Variants in ARID1B observed in about 807,000 individuals in gnomAD.
ARID1B encodes the protein AT-rich interaction domain 1B, also known as AT-rich interactive domain-containing protein 1B.
A neutral mutation model predicts 212.3 loss-of-function variants in ARID1B; 30 were observed. The ratio of observed to expected loss-of-function variants is 0.14; its 90% confidence interval spans 0.11 to 0.19. ARID1B has a LOEUF of 0.19. Among genes scored for constraint, ARID1B ranks in the 10% least tolerant of loss-of-function variants. ARID1B has a pLI of 1.00. For missense variants in ARID1B, 2,891 were observed against 3,204.0 expected, an observed-to-expected ratio of 0.90 and a Z score of 2.36; for synonymous variants, 1,402 against 1,301.7, an observed-to-expected ratio of 1.08 and a Z score of -1.66.
intron 5 of ARID1B, among the ~76,000 whole-genome samples, chr6:157,098,653 T>C (rs1295783632): frequency 2.0e-5 from 3 of 152,250 alleles, no homozygotes; most frequent in South Asian, 2.1e-4. Flanking sequence ...TTACTATTCA[T>C]GTCTTCACAT....
chr6:157,063,057 C>G (rs1368258485), intron 4 of ARID1B, among the ~76,000 whole-genome samples: 1 of 151,866 alleles, frequency 6.6e-6, no homozygotes, highest in Non-Finnish European at 1.5e-5. Context: ...ATGGATGGGT[C>G]CTACTGACCA....
intron 3 of ARID1B, among the ~76,000 whole-genome samples, chr6:156,905,072 A>C (rs766583065): frequency 6.6e-6 from 1 of 151,930 alleles, no homozygotes; most frequent in Non-Finnish European, 1.5e-5. Flanking sequence ...CTGAACTATA[A>C]ATTTATATAT....
At chr6:156,801,623 G>A (rs1020050592) in intron 1 of ARID1B, among the ~76,000 whole-genome samples, 4 of 152,116 alleles carry the variant, frequency 2.6e-5, no homozygotes, top group Non-Finnish European at 5.9e-5. Context: ...TCTGCTTGAA[G>A]CATCTATCCA....
chr6:156,945,225 G>A (rs1364036129), intron 4 of ARID1B, among the ~76,000 whole-genome samples: 9 of 104,234 alleles, frequency 8.6e-5, no homozygotes, highest in East Asian at 3.0e-4. Flanking sequence ...GTGAGCCCCC[G>A]CATCCGGCTT....
In ARID1B at chr6:156,873,494, G is replaced by A. The variant is rs551227493; in HGVS notation, c.1987-27882G>A. 2.0e-5 allele frequency among the ~76,000 whole-genome samples: 3 copies of A among 152,286 alleles called. No homozygotes were observed. In the South Asian group the frequency reaches 6.2e-4, roughly 32 times the overall value. On this transcript the variant is annotated intron_variant, in intron 2 of 19. Coordinates refer to ENST00000636930, the MANE Select transcript of ARID1B (RefSeq NM_001374828.1). The stretch of plus-strand genomic sequence containing the variant: ...TTGTAAAAATTAGTGGTCAATTTTT[G>A]AAGGAGAGAACTGGTGATTTACAGG...
At chr6:156,863,311 C>T (rs1419093656) in intron 2 of ARID1B, among the ~76,000 whole-genome samples, 5 of 151,962 alleles carry the variant, frequency 3.3e-5, no homozygotes, top group Admixed American at 3.3e-4. Context: ...AGAGGACTAA[C>T]GAGGCAGGAC....
intron 4 of ARID1B, among the ~76,000 whole-genome samples, chr6:157,081,043 C>T (rs1328492550): frequency 2.0e-5 from 3 of 152,146 alleles, no homozygotes; most frequent in African/African-American, 7.2e-5. Flanking sequence ...GCTTGAGAGC[C>T]CATGAAGTCA....
At chr6:157,119,790 T>C (rs1175983257) in intron 6 of ARID1B, 1 of 152,252 alleles carries the variant, frequency 6.6e-6, no homozygotes, top group Non-Finnish European at 1.5e-5. Flanking sequence ...TGTTCCAGAC[T>C]CCAGAACTCT....
chr6:157,173,229 T>C (rs964644624), intron 9 of ARID1B: 3 of 152,250 alleles, frequency 2.0e-5, no homozygotes, highest in African/African-American at 4.8e-5. Context: ...GAGAAATCAG[T>C]TGTTCTATGG....
At position 156,902,878 on chromosome 6, in the gene ARID1B, G is replaced by A. The variant is rs1409642660; in HGVS notation, c.2136+1353G>A. On this transcript the variant is annotated intron_variant, in intron 3 of 19. Coordinates refer to ENST00000636930, the MANE Select transcript of ARID1B (RefSeq NM_001374828.1). ...AACACTTTAATATAATTTCTTTTTA[G>A]ATGAGCAAGGCTGGTATCTGGAGTT... is the stretch of plus-strand genomic sequence containing the variant. Among the ~76,000 whole-genome samples, 7 of 151,474 alleles carry A rather than the reference G, an allele frequency of 4.6e-5. No individual in the cohort carries two copies. The East Asian group carries it at 1.4e-3, about 30-fold the overall frequency.
At chr6:157,156,169 A>G (rs1051556122) in intron 8 of ARID1B, among the ~76,000 whole-genome samples, 1 of 152,358 alleles carries the variant, frequency 6.6e-6, no homozygotes, top group Admixed American at 6.5e-5. Context: ...GCTAAAGAGC[A>G]GGAAGTGATT....
chr6:157,034,433 A>T (rs905805311), intron 4 of ARID1B, among the ~76,000 whole-genome samples: 2 of 152,198 alleles, frequency 1.3e-5, no homozygotes, highest in African/African-American at 4.8e-5. Context: ...TTTCAGTTGT[A>T]TATTCTTGTT....
chr6:157,157,518 G>T (rs1330689035), intron 8 of ARID1B, among the ~76,000 whole-genome samples: 2 of 152,138 alleles, frequency 1.3e-5, no homozygotes, highest in African/African-American at 4.8e-5. Context: ...CAGTGTTTTG[G>T]GCTGAAGGCA....
chr6:157,015,922 A>C (rs1422401184), intron 4 of ARID1B, among the ~76,000 whole-genome samples: 1 of 152,238 alleles, frequency 6.6e-6, no homozygotes, highest in Non-Finnish European at 1.5e-5. Flanking sequence ...TGCCTTCAAG[A>C]CAGCAAAAAT....
chr6:156,916,416 A>G (rs1404266791), intron 3 of ARID1B, among the ~76,000 whole-genome samples: 2 of 152,090 alleles, frequency 1.3e-5, no homozygotes, highest in African/African-American at 4.8e-5. Flanking sequence ...TATTTACCCA[A>G]CACTCGTCAT....
chr6:156,870,837 A>T (rs969367367), intron 2 of ARID1B, among the ~76,000 whole-genome samples: 4 of 152,124 alleles, frequency 2.6e-5, no homozygotes, highest in African/African-American at 9.7e-5. Flanking sequence ...TGGACTCTAG[A>T]CTCAGAACTA....
At chr6:157,100,081 G>A (rs1002866993) in intron 5 of ARID1B, among the ~76,000 whole-genome samples, 1 of 152,158 alleles carries the variant, frequency 6.6e-6, no homozygotes, top group African/African-American at 2.4e-5. Flanking sequence ...TCAAAGCAGG[G>A]GCTTAACTCC....
chr6:156,856,555 G>A (rs1784943726), intron 2 of ARID1B, among the ~76,000 whole-genome samples: 1 of 152,102 alleles, frequency 6.6e-6, no homozygotes, highest in Non-Finnish European at 1.5e-5. Flanking sequence ...ACTGCTCCAT[G>A]CTGCCTCCCT....
intron 4 of ARID1B, among the ~76,000 whole-genome samples, chr6:156,982,708 T>C (rs1211072756): frequency 6.6e-6 from 1 of 152,178 alleles, no homozygotes; most frequent in Non-Finnish European, 1.5e-5. Flanking sequence ...TATTTTTTAA[T>C]TCAAAGTGTT....
Sources: allele counts gnomAD v4.1 joint callset (sites outside exome capture counted in the v4.1 genomes callset), GRCh38; gene constraint gnomAD v4.1.1; transcripts MANE v1.5; gene names NCBI Gene and HGNC (gene_info 2026-07-23, HGNC 2026-07-21).